NEMP2: variants seen among roughly 807,000 people sequenced by gnomAD.
NEMP2 encodes nuclear envelope integral membrane protein 2.
Under a neutral mutation model 54.2 loss-of-function variants are expected in NEMP2, and 53 were observed. The ratio of observed to expected loss-of-function variants is 0.98; its 90% CI spans 0.78 to 1.23. NEMP2 has a LOEUF of 1.23. Among genes scored for constraint, NEMP2 ranks in the 50% most tolerant of loss-of-function variants. NEMP2 has a pLI of 0.00. For synonymous variants in NEMP2, 197 were observed against 190.3 expected (o/e 1.04, Z -0.29); for missense variants, 455 against 511.3 (o/e 0.89, Z 1.06).
At chr2:190,576,452 A>C in the NEMP2 span, among the ~76,000 whole-genome samples, 1 of 152,222 alleles carries the variant, frequency 6.6e-6, no homozygotes, top group Non-Finnish European at 1.5e-5. Flanking sequence ...AATAAATGTA[A>C]CTTGTTAAAT....
At chr2:190,454,743 T>A in the NEMP2 span, among the ~76,000 whole-genome samples, 1 of 151,946 alleles carries the variant, frequency 6.6e-6, no homozygotes, top group Non-Finnish European at 1.5e-5. This position sits in a 1 kb window ranked among gnomAD's most constrained non-coding sequence, Gnocchi z 4.6. Context: ...CCCGAGCAAA[T>A]TAATAATGTG....
At chr2:190,566,147 A>G in the NEMP2 span, among the ~76,000 whole-genome samples, 1 of 152,228 alleles carries the variant, frequency 6.6e-6, no homozygotes, top group African/African-American at 2.4e-5. Flanking sequence ...ATTGCAGTGT[A>G]TCTAATGGAT....
At chr2:190,580,158 C>CACAG in the NEMP2 span, among the ~76,000 whole-genome samples, 2 of 152,168 alleles carry the variant, frequency 1.3e-5, no homozygotes, top group Non-Finnish European at 2.9e-5. The surrounding 1 kb of genome is among the most constrained non-coding windows in gnomAD (Gnocchi z 5.3). Context: ...ACAGGCCACT[C>CACAG]ACAGAAGCAA....
chr2:190,532,956 C>T (rs1288002051), intron 1 of NEMP2, among the ~76,000 whole-genome samples: 1 of 152,190 alleles, frequency 6.6e-6, no homozygotes, highest in African/African-American at 2.4e-5. Flanking sequence ...AGTGGGCATC[C>T]TGCATGTCTC....
the NEMP2 span, chr2:190,640,948 T>A: frequency 6.6e-6 from 1 of 152,156 alleles, no homozygotes; most frequent in East Asian, 1.9e-4. Context: ...TCCTGACACT[T>A]ACCTCTTGCA....
At chr2:190,424,482 C>T in the NEMP2 span, among the ~76,000 whole-genome samples, 2 of 151,982 alleles carry the variant, frequency 1.3e-5, no homozygotes, top group Admixed American at 1.3e-4. The surrounding 1 kb of genome is among the most constrained non-coding windows in gnomAD (Gnocchi z 5.9). Context: ...ATTACAGGCA[C>T]ATGACACCAT....
the NEMP2 span, among the ~76,000 whole-genome samples, chr2:190,639,461 T>A: frequency 1.9e-5 from 2 of 104,784 alleles, no homozygotes; most frequent in African/African-American, 6.8e-5. Flanking sequence ...GACACATACT[T>A]TTTAGCTCGC....
the NEMP2 span, chr2:190,489,932 C>CCT: frequency 0.93 from 1,320,145 of 1,414,990 alleles, 618,362 homozygotes; most frequent in East Asian, 1. The surrounding 1 kb of genome is among the most constrained non-coding windows in gnomAD (Gnocchi z 6.6). Flanking sequence ...ACAAATGCCC[C>CCT]GAGAAGCCTA....
the NEMP2 span, among the ~76,000 whole-genome samples, chr2:190,551,806 AC>A: frequency 1.3e-5 from 2 of 152,300 alleles, no homozygotes; most frequent in African/African-American, 4.8e-5. Flanking sequence ...CTAACTTCAC[AC>A]AAACTCCCTC....
At position 190,533,721 on chromosome 2, in the gene NEMP2, G is replaced by A. The variant is rs1038356488; in HGVS notation, c.97+838C>T. Among the ~76,000 whole-genome samples the A allele has an allele frequency of 3.3e-5, 5 of 152,028 alleles. No homozygotes were observed. Among genetic ancestry groups the A allele is most frequent in the Non-Finnish European group, 7.4e-5 (5 of 68,012 alleles). On this transcript the variant is annotated intron_variant, in intron 1 of 8. Coordinates refer to ENST00000409150, the MANE Select transcript of NEMP2 (RefSeq NM_001142645.2). This position sits in a 1 kb window ranked among gnomAD's most constrained non-coding sequence, Gnocchi z 4.3. Reference sequence around the variant, plus strand: ...AAACCAGGGTAGCCAAAGCAAGGAAGGGAAGTTGGTAGACAGTGCACCCAG... The same window carrying A: ...AAACCAGGGTAGCCAAAGCAAGGAAAGGAAGTTGGTAGACAGTGCACCCAG...
At chr2:190,436,547 G>T in the NEMP2 span, 3 of 1,614,104 alleles carry the variant, frequency 1.9e-6, no homozygotes, top group Non-Finnish European at 2.5e-6. The surrounding 1 kb of genome is among the most constrained non-coding windows in gnomAD (Gnocchi z 5.3). Flanking sequence ...ACCAATGCAA[G>T]TCACCAGTTA....
Position 190,529,209 on chromosome 2 carries a change from T to C in NEMP2, c.98-3831A>G, listed in dbSNP as rs1311421025. On this transcript the variant is annotated intron_variant, in intron 1 of 8. Transcript: ENST00000409150. This position sits in a 1 kb window ranked among gnomAD's most constrained non-coding sequence, Gnocchi z 4.7. ...AAACAAACACAAACAAACAAAAACA[T>C]GAATGGGAACCCATCATTTACCTGC... is the stretch of plus-strand genomic sequence containing the variant. 1.3e-5 allele frequency among the ~76,000 whole-genome samples: 2 copies of C among 151,962 alleles called. No homozygotes were observed. The highest frequency in any genetic ancestry group is 2.9e-5 in the Non-Finnish European group (2 of 67,968).
chr2:190,536,348 C>T (rs1018809474), upstream of NEMP2, among the ~76,000 whole-genome samples: 8 of 152,188 alleles, frequency 5.3e-5, no homozygotes, highest in African/African-American at 1.9e-4. Context: ...GAGATAGAAG[C>T]ACAAACCTTC....
chr2:190,568,845 C>CA, the NEMP2 span, among the ~76,000 whole-genome samples: 73 of 151,736 alleles, frequency 4.8e-4, no homozygotes, highest in Middle Eastern at 3.4e-3. This position sits in a 1 kb window ranked among gnomAD's most constrained non-coding sequence, Gnocchi z 4.7. Context: ...AACAAAACAA[C>CA]AAAAAACTCA....
chr2:190,527,451 G>A lies in NEMP2; in HGVS notation c.98-2073C>T, dbSNP rs1488284921. ...AGGGAGGGTTTTCCGGTGGCCACAC[G>A]AAGCAGCAAAATTACACAAGGACCC... On this transcript the variant is annotated intron_variant, in intron 1 of 8. Transcript: ENST00000409150. The surrounding 1 kb of genome is among the most constrained non-coding windows in gnomAD (Gnocchi z 4.0). Among the ~76,000 whole-genome samples, 4 of 152,146 alleles carry A rather than the reference G, an allele frequency of 2.6e-5. No homozygotes were observed. Among genetic ancestry groups the A allele is most frequent in the Non-Finnish European group, 5.9e-5 (4 of 68,024 alleles).
At chr2:190,450,021 A>G in the NEMP2 span, among the ~76,000 whole-genome samples, 1 of 152,130 alleles carries the variant, frequency 6.6e-6, no homozygotes, top group African/African-American at 2.4e-5. Flanking sequence ...TAATAATAAT[A>G]AAATAAAATT....
chr2:190,475,889 G>C, the NEMP2 span, among the ~76,000 whole-genome samples: 1 of 152,034 alleles, frequency 6.6e-6, no homozygotes, highest in African/African-American at 2.4e-5. Context: ...ACAGAACAGA[G>C]CCCTCAGAAA....
chr2:190,546,612 T>G, the NEMP2 span, among the ~76,000 whole-genome samples: 1 of 152,196 alleles, frequency 6.6e-6, no homozygotes, highest in Non-Finnish European at 1.5e-5. This position sits in a 1 kb window ranked among gnomAD's most constrained non-coding sequence, Gnocchi z 5.1. Flanking sequence ...TAACGTTAGA[T>G]GAAAATGAAT....
rs1333681260 is a variant in NEMP2 at position 190,527,604 on chromosome 2, A to G, written c.98-2226T>C. Among the ~76,000 whole-genome samples the G allele has an allele frequency of 6.6e-6, 1 of 152,202 alleles. No individual in the cohort carries two copies. The highest frequency in any genetic ancestry group is 2.4e-5 in the African/African-American group (1 of 41,446). On this transcript the variant is annotated intron_variant, in intron 1 of 8. Transcript: ENST00000409150. This position sits in a 1 kb window ranked among gnomAD's most constrained non-coding sequence, Gnocchi z 4.0. ...GTCCAAGATGCAAATACAAGAATCC[A>G]GGTGAAAAGCCAGTAAAAACCACAA...
Sources: gnomAD v4.1 joint callset for allele counts (sites outside exome capture counted in the v4.1 genomes callset) on GRCh38, gnomAD v4.1.1 for gene constraint, Gnocchi (gnomAD v3.1) non-coding constraint, MANE v1.5 for transcripts, NCBI Gene and HGNC (gene_info 2026-07-23, HGNC 2026-07-21) for gene names.